The following CRIM1 variants were observed in gnomAD, a reference collection of about 807,000 sequenced individuals.
CRIM1 encodes cysteine-rich motor neuron 1 protein.
Under a neutral mutation model 116.4 loss-of-function variants are expected in CRIM1, and 32 were observed. That is an observed-to-expected ratio of 0.27 (90% CI 0.21 to 0.37). CRIM1 has a LOEUF of 0.37. Ranked by LOEUF, CRIM1 falls within the 10% of genes least tolerant of loss-of-function variation. CRIM1 has a pLI of 1.00. For missense variants in CRIM1, 1,331 were observed against 1,354.8 expected (o/e 0.98, Z 0.28); for synonymous variants, 590 against 509.2 (o/e 1.16, Z -2.13).
Position 36,356,222 on chromosome 2 carries a change from C to A in CRIM1, c.-71C>A, listed in dbSNP as rs1005677587. ...GGTGCGGCGGCGGCGGCGCGTGTGC[C>A]CCGCGCAGGGGAGGGCGCCCGCCCC... On this transcript the variant is annotated 5_prime_UTR_variant, in exon 1 of 17. Transcript: ENST00000280527. This position sits in a 1 kb window ranked among gnomAD's most constrained non-coding sequence, Gnocchi z 4.3. The A allele has an allele frequency of 3.7e-5, 29 of 793,652 alleles. No individual in the cohort carries two copies. The highest frequency in any genetic ancestry group is 4.9e-5 in the Non-Finnish European group (29 of 588,516). 49.2% of individuals were successfully genotyped at this position (793,652 alleles called of 1,614,324 possible).
intron 13 of CRIM1, among the ~76,000 whole-genome samples, chr2:36,534,041 A>C (rs928350989): frequency 4.5e-5 from 6 of 132,942 alleles, no homozygotes; most frequent in Non-Finnish European, 9.7e-5. Flanking sequence ...GAGAGAAGGA[A>C]GGACAGAGGG....
rs534973599 is a variant in CRIM1, at chr2:36,399,819, T to A, written c.505+3032T>A. 6.6e-5 allele frequency among the ~76,000 whole-genome samples: 10 copies of A among 152,230 alleles called. No homozygotes were observed. In the East Asian group the frequency reaches 1.9e-3, roughly 29 times the overall value. Reference sequence around the variant, plus strand: ...TATAAAAGAAGGTCATCATCTGACATTGAGATGGAAGAAAGGGTGTGGAAA... The same window carrying A: ...TATAAAAGAAGGTCATCATCTGACAATGAGATGGAAGAAAGGGTGTGGAAA... On this transcript the variant is annotated intron_variant, in intron 2 of 16. Coordinates refer to ENST00000280527, the MANE Select transcript of CRIM1 (RefSeq NM_016441.3).
At chr2:36,510,339 T>C (rs1241792743) in intron 9 of CRIM1, among the ~76,000 whole-genome samples, 200 bp downstream of exon 9, 5 of 152,210 alleles carry the variant, frequency 3.3e-5, no homozygotes, top group Non-Finnish European at 7.3e-5. Flanking sequence ...TTACTTTTAC[T>C]TTTTATGGAC....
At chr2:36,495,484 T>TATTTATTTA (rs200768831) in intron 7 of CRIM1, among the ~76,000 whole-genome samples, 6 of 148,028 alleles carry the variant, frequency 4.1e-5, no homozygotes, top group African/African-American at 7.4e-5. Context: ...TATTTTTTTT[T>TATTTATTTA]TTTTTTTTTT....
chr2:36,417,830 C>A (rs757205082), intron 2 of CRIM1, among the ~76,000 whole-genome samples: 1 of 151,944 alleles, frequency 6.6e-6, no homozygotes, highest in Non-Finnish European at 1.5e-5. Context: ...TTTACAGGTA[C>A]GAGAAAAATG....
At chr2:36,448,875 T>C (rs1011998479) in intron 4 of CRIM1, among the ~76,000 whole-genome samples, 1 of 152,130 alleles carries the variant, frequency 6.6e-6, no homozygotes, top group Non-Finnish European at 1.5e-5. Context: ...GAAAGCCAGA[T>C]TCCCAAGCTC....
In CRIM1 at chr2:36,363,705, G is replaced by A. The variant is rs376147952; in HGVS notation, c.331+7082G>A. Among the ~76,000 whole-genome samples, 6 of 152,196 alleles carry A rather than the reference G, an allele frequency of 3.9e-5. No individual in the cohort carries two copies. In the East Asian group the frequency reaches 1.2e-3, roughly 29 times the overall value. ...AAATACTTAATTTGGGGAGGAGGCG[G>A]GAACCTAGATGTGCTATAATCAGCA... On this transcript the variant is annotated intron_variant, in intron 1 of 16. Coordinates refer to ENST00000280527, the MANE Select transcript of CRIM1 (RefSeq NM_016441.3).
Position 36,522,284 on chromosome 2 carries a change from G to A in CRIM1, c.2399G>A (p.Arg800Lys). The change falls in exon 13 of 17, where the codon AGA becomes AAA. Residue 800 changes from arginine to lysine, a missense_variant. Arg to Lys is a conservative substitution (Grantham distance 26). Transcript: ENST00000280527. Reference protein sequence around the residue: ...PSVSCERPVLRKGQCCPYCIE... With the variant: ...PSVSCERPVLKKGQCCPYCIE... ...GTATCCTGTGAAAGACCTGTCTTGAGAAAAGGCCAGTGTTGTCCCTACTGC... is the reference window on the plus strand; with the variant it reads ...GTATCCTGTGAAAGACCTGTCTTGAAAAAAGGCCAGTGTTGTCCCTACTGC... 6.2e-7 allele frequency: 1 copy of A among 1,614,056 alleles called. No homozygotes were observed. The highest frequency in any genetic ancestry group is 8.5e-7 in the Non-Finnish European group (1 of 1,179,976).
At chr2:36,429,034 C>G (rs75991387) in intron 2 of CRIM1, among the ~76,000 whole-genome samples, 1 of 152,182 alleles carries the variant, frequency 6.6e-6, no homozygotes, top group African/African-American at 2.4e-5. Context: ...TACTTTTCCC[C>G]TCTCCCACAG....
intron 2 of CRIM1, 94 bp from the exon 3 acceptor site, chr2:36,441,164 G>A: frequency 5.9e-6 from 9 of 1,516,264 alleles, no homozygotes; most frequent in Non-Finnish European, 8.1e-6. Flanking sequence ...GTCCTCTTTG[G>A]CTACTTAAAT....
chr2:36,542,105 T>G (rs1666984955), intron 14 of CRIM1, among the ~76,000 whole-genome samples: 1 of 152,036 alleles, frequency 6.6e-6, no homozygotes, highest in South Asian at 2.1e-4. Flanking sequence ...GTGGGTGGAT[T>G]TTAATCAGAG....
chr2:36,360,645 A>G (rs983483180), intron 1 of CRIM1, among the ~76,000 whole-genome samples: 6 of 152,168 alleles, frequency 3.9e-5, no homozygotes, highest in African/African-American at 1.4e-4. Context: ...AGTGAAGATG[A>G]TGGCTGCTTG....
At chr2:36,493,178 G>A (rs1192837087) in intron 7 of CRIM1, among the ~76,000 whole-genome samples, 4 of 152,106 alleles carry the variant, frequency 2.6e-5, no homozygotes, top group Non-Finnish European at 4.4e-5. Flanking sequence ...GGAGGCTGAG[G>A]TAGGAAGATT....
At chr2:36,410,671 C>T (rs1211408453) in intron 2 of CRIM1, among the ~76,000 whole-genome samples, 2 of 151,968 alleles carry the variant, frequency 1.3e-5, no homozygotes, top group Non-Finnish European at 2.9e-5. Context: ...ATTCCTAAAA[C>T]ACATTCTGAT....
At chr2:36,534,298 A>T (rs1666343715) in intron 13 of CRIM1, among the ~76,000 whole-genome samples, 1 of 110,122 alleles carries the variant, frequency 9.1e-6, no homozygotes, top group South Asian at 3.7e-4. Context: ...GGGATGAGAA[A>T]GGAAGGAGGG....
chr2:36,542,470 A>AAAGAACTTC, intron 14 of CRIM1, among the ~76,000 whole-genome samples: 1 of 152,218 alleles, frequency 6.6e-6, no homozygotes, highest in Non-Finnish European at 1.5e-5. Context: ...GGTCAAGGCA[A>AAAGAACTTC]AAGAATTCCA....
rs536647931 is a variant in CRIM1 at position 36,538,463 on chromosome 2, G to A, written c.2623+917G>A. ...CTTACCTCGATTCTCATGTTTTCTC[G>A]CAGCATTATATTAGAGAACCTTGTT... On this transcript the variant is annotated intron_variant, in intron 14 of 16. Coordinates refer to ENST00000280527, the MANE Select transcript of CRIM1 (RefSeq NM_016441.3). 3.0e-4 allele frequency among the ~76,000 whole-genome samples: 45 copies of A among 152,192 alleles called. 1 individual carries two copies. In the East Asian group the frequency reaches 6.6e-3, roughly 22 times the overall value.
chr2:36,401,215 G>C (rs1672381267), intron 2 of CRIM1, among the ~76,000 whole-genome samples: 2 of 152,084 alleles, frequency 1.3e-5, no homozygotes, highest in African/African-American at 4.8e-5. Context: ...AAAGGAGTTG[G>C]TCCTCAATTT....
chr2:36,471,715 T>C (rs893604662), intron 5 of CRIM1, among the ~76,000 whole-genome samples: 17 of 138,004 alleles, frequency 1.2e-4, no homozygotes, highest in African/African-American at 4.7e-4. Flanking sequence ...TAATGATAGC[T>C]GATTAGCTTA....
Sources: gnomAD v4.1 joint callset for allele counts (sites outside exome capture counted in the v4.1 genomes callset) on GRCh38, gnomAD v4.1.1 for gene constraint, Gnocchi (gnomAD v3.1) non-coding constraint, MANE v1.5 for transcripts, NCBI Gene and HGNC (gene_info 2026-07-23, HGNC 2026-07-21) for gene names.